LRRC1: variants seen among roughly 807,000 people sequenced by gnomAD.
LRRC1 encodes the protein leucine-rich repeat-containing protein 1.
In LRRC1, 28 loss-of-function variants were observed where a neutral mutation model predicts 69.9. The ratio of observed to expected loss-of-function variants is 0.40; its 90% CI spans 0.30 to 0.55. LRRC1 has a LOEUF of 0.55. LRRC1 is among the 20% of genes least tolerant of loss of function. The probability of loss-of-function intolerance (pLI) is 0.47; values close to 1 mark genes in which losing one functional copy is unlikely to be tolerated. For synonymous variants in LRRC1, 236 were observed against 240.2 expected (o/e 0.98, Z 0.16); for missense variants, 498 against 609.0 (o/e 0.82, Z 1.92).
At chr6:53,910,610 C>A (rs1017462058) in intron 10 of LRRC1, among the ~76,000 whole-genome samples, 2 of 151,764 alleles carry the variant, frequency 1.3e-5, no homozygotes, top group African/African-American at 4.8e-5. Context: ...TTTTTATTTC[C>A]TGGAAAAAAA....
intron 6 of LRRC1, 72 bp downstream of exon 6, chr6:53,896,964 A>G (rs376779491): frequency 3.2e-5 from 31 of 973,406 alleles, no homozygotes; most frequent in East Asian, 9.5e-5. Flanking sequence ...GGGGAGTTCT[A>G]TAGGGATCTT....
At chr6:53,798,466 C>T (rs1314626370) in intron 1 of LRRC1, among the ~76,000 whole-genome samples, 2 of 152,240 alleles carry the variant, frequency 1.3e-5, no homozygotes, top group African/African-American at 2.4e-5. Context: ...GCAAGCTCCT[C>T]CTTCTGGGTT....
intron 1 of LRRC1, among the ~76,000 whole-genome samples, chr6:53,829,676 T>C (rs1457222230): frequency 3.3e-5 from 5 of 152,096 alleles, no homozygotes; most frequent in Non-Finnish European, 5.9e-5. Flanking sequence ...GGGTAAAAAA[T>C]TGGACTCTCA....
intron 2 of LRRC1, among the ~76,000 whole-genome samples, chr6:53,849,459 T>C (rs1766058230): frequency 6.6e-6 from 1 of 152,240 alleles, no homozygotes; most frequent in Admixed American, 6.5e-5. Context: ...GCCACAGTGC[T>C]CACATCATTT....
chr6:53,900,032 T>TG (rs1562066445), intron 8 of LRRC1, 141 bp downstream of exon 8: 4 of 242,602 alleles, frequency 1.6e-5, no homozygotes, highest in African/African-American at 1.3e-4. Flanking sequence ...TTTTTTTTTT[T>TG]TTTTTTTTTT....
chr6:53,820,727 T>C (rs1408204874), intron 1 of LRRC1, among the ~76,000 whole-genome samples: 1 of 152,172 alleles, frequency 6.6e-6, no homozygotes, highest in African/African-American at 2.4e-5. Flanking sequence ...TGATGTAATA[T>C]ATGTAATAAG....
At position 53,922,700 on chromosome 6, in the gene LRRC1, G is replaced by T. The variant is rs1304461504; in HGVS notation, c.1482G>T (p.Glu494Asp). Residue 494 changes from glutamate (E) to aspartate (D), a missense_variant, in exon 14 of 14, where the codon GAG becomes GAT. Glu to Asp is a conservative substitution (Grantham distance 45). Coordinates refer to ENST00000370888, the MANE Select transcript of LRRC1 (RefSeq NM_018214.5). Reference protein sequence around the residue: ...GELKHMKKTVENLRNDMNAAK... With the variant: ...GELKHMKKTVDNLRNDMNAAK... ...TAAAGCACATGAAAAAGACAGTGGAGAATTTACGGAATGACATGAATGCTG... is the reference window on the plus strand; with the variant it reads ...TAAAGCACATGAAAAAGACAGTGGATAATTTACGGAATGACATGAATGCTG... 6.2e-7 allele frequency: 1 copy of T among 1,614,020 alleles called. No individual in the cohort carries two copies. Among genetic ancestry groups the T allele is most frequent in the African/African-American group, 1.3e-5 (1 of 74,920 alleles).
intron 2 of LRRC1, 134 bp from the exon 3 acceptor site, chr6:53,878,859 C>T (rs1581894440): frequency 7.4e-6 from 4 of 542,684 alleles, no homozygotes; most frequent in African/African-American, 1.9e-5. Context: ...TATTAAAATA[C>T]TTTATAAGTC....
chr6:53,826,700 C>T (rs1765266766), intron 1 of LRRC1, among the ~76,000 whole-genome samples: 1 of 152,166 alleles, frequency 6.6e-6, no homozygotes. Context: ...GGTCCCCCTC[C>T]ATGCCTCTTT....
intron 1 of LRRC1, among the ~76,000 whole-genome samples, chr6:53,836,474 T>G (rs1581863060): frequency 6.6e-6 from 1 of 152,180 alleles, no homozygotes; most frequent in Admixed American, 6.5e-5. Context: ...TGTATTATTA[T>G]CATTATCATT....
chr6:53,813,757 G>A (rs1322618047), intron 1 of LRRC1, among the ~76,000 whole-genome samples: 1 of 152,138 alleles, frequency 6.6e-6, no homozygotes, highest in Non-Finnish European at 1.5e-5. Context: ...GTGGCAGGGG[G>A]TGAAGTGGGG....
At chr6:53,853,470 A>G (rs373413801) in intron 2 of LRRC1, among the ~76,000 whole-genome samples, 4 of 152,004 alleles carry the variant, frequency 2.6e-5, no homozygotes, top group African/African-American at 9.7e-5. Flanking sequence ...TATTTAGTAG[A>G]GACGGGGTTT....
rs190975471 is a variant in LRRC1, at chr6:53,887,928, A to T, written c.446+4952A>T. Among the ~76,000 whole-genome samples, 254 of 152,292 alleles carry T rather than the reference A, an allele frequency of 1.7e-3. 2 individuals are homozygous for T. Among genetic ancestry groups the T allele is most frequent in the Middle Eastern group, 6.8e-3 (2 of 292 alleles). Reference sequence around the variant, plus strand: ...AGGATTTCAGAAAACTATCTGAATTAAAAAAATTGATATTTAGATATGCCC... The same window carrying T: ...AGGATTTCAGAAAACTATCTGAATTTAAAAAATTGATATTTAGATATGCCC... On this transcript the variant is annotated intron_variant, in intron 4 of 13. Transcript: ENST00000370888.
At chr6:53,874,876 T>C (rs1348042541) in intron 2 of LRRC1, among the ~76,000 whole-genome samples, 1 of 152,190 alleles carries the variant, frequency 6.6e-6, no homozygotes, top group Non-Finnish European at 1.5e-5. Context: ...AAGAAAGGAA[T>C]TTAAAATAGC....
chr6:53,830,635 T>A (rs1441348708), intron 1 of LRRC1, among the ~76,000 whole-genome samples: 1 of 152,118 alleles, frequency 6.6e-6, no homozygotes, highest in African/African-American at 2.4e-5. Flanking sequence ...TAGGAAACTT[T>A]GTGAATGTAG....
intron 4 of LRRC1, among the ~76,000 whole-genome samples, chr6:53,889,072 G>A (rs1194113732): frequency 1.3e-5 from 2 of 152,178 alleles, no homozygotes; most frequent in African/African-American, 2.4e-5. Flanking sequence ...CTTCAGAGAA[G>A]ATATGCAGAT....
intron 2 of LRRC1, among the ~76,000 whole-genome samples, chr6:53,871,224 A>G (rs916979404): frequency 6.6e-6 from 1 of 152,198 alleles, no homozygotes; most frequent in East Asian, 1.9e-4. Context: ...AGTTTTTCAT[A>G]ATGGCTGTAC....
intron 2 of LRRC1, among the ~76,000 whole-genome samples, chr6:53,858,998 C>T (rs1766408115): frequency 6.6e-6 from 1 of 152,110 alleles, no homozygotes; most frequent in Non-Finnish European, 1.5e-5. Flanking sequence ...TACTTCTATA[C>T]AGTCTAGAAA....
At position 53,832,719 on chromosome 6, in the gene LRRC1, T is replaced by G. The variant is rs1343696420; in HGVS notation, c.160-9391T>G. Among the ~76,000 whole-genome samples the G allele has an allele frequency of 3.2e-4, 49 of 152,188 alleles. 1 individual carries two copies. The highest frequency in any genetic ancestry group is 3.2e-3 in the Admixed American group (49 of 15,274). The stretch of plus-strand genomic sequence containing the variant: ...AACCCTTTCTAGATGAGTAGAATCT[T>G]TGATTTTCTGTCGTACAAAACATCA... On this transcript the variant is annotated intron_variant, in intron 1 of 13. Transcript: ENST00000370888.
Sources: allele counts gnomAD v4.1 joint callset (sites outside exome capture counted in the v4.1 genomes callset), GRCh38; gene constraint gnomAD v4.1.1; transcripts MANE v1.5; gene names NCBI Gene and HGNC (gene_info 2026-07-23, HGNC 2026-07-21).